ASAP3: variants seen among roughly 807,000 people sequenced by gnomAD.
The protein encoded by ASAP3 is arf-GAP with SH3 domain, ANK repeat and PH domain-containing protein 3.
In ASAP3, 85 loss-of-function variants were observed where a neutral mutation model predicts 118.2. That is an observed-to-expected ratio of 0.72 (90% CI 0.60 to 0.86). The LOEUF (loss-of-function observed/expected upper bound fraction) is 0.86. Ranked by LOEUF, ASAP3 falls within the 40% of genes least tolerant of loss-of-function variation. The pLI is 0.00. For missense variants in ASAP3, 1,026 were observed against 1,175.0 expected (o/e 0.87, Z 1.85); for synonymous variants, 432 against 477.4 (o/e 0.90, Z 1.24).
chr1:23,441,571 C>T (rs1640874594), intron 8 of ASAP3, 84 bp downstream of exon 8: 1 of 1,600,310 alleles, frequency 6.2e-7, no homozygotes, highest in African/African-American at 1.3e-5. Flanking sequence ...ACTCTGTGGG[C>T]AGAAGCCAGC....
At position 23,441,456 on chromosome 1, in the gene ASAP3, C is replaced by T. The variant is rs1175770793; in HGVS notation, c.765G>A (p.Glu255=). The T allele has an allele frequency of 9.9e-6, 16 of 1,614,106 alleles. No homozygotes were observed. The highest frequency in any genetic ancestry group is 1.4e-5 in the Non-Finnish European group (16 of 1,180,002). ...GCTGGGTCAGCTTCTGTAGCTCGTCCTCCTGGGCCTGATGGAGCTATGGGA... is the reference window on the plus strand; with the variant it reads ...GCTGGGTCAGCTTCTGTAGCTCGTCTTCCTGGGCCTGATGGAGCTATGGGA... ...ASVHALHQAQ[E]DELQKLTQLR... is the part of the protein sequence containing the mutation. The change falls in exon 9 of 25, where the codon GAG becomes GAA. Residue 255 remains glutamate, a synonymous_variant. Coordinates refer to ENST00000336689, the MANE Select transcript of ASAP3 (RefSeq NM_017707.4).
At chr1:23,448,359 T>C (rs1266829622) in intron 5 of ASAP3, among the ~76,000 whole-genome samples, 1 of 152,188 alleles carries the variant, frequency 6.6e-6, no homozygotes, top group Admixed American at 6.5e-5. Context: ...CAGCTTTCCC[T>C]GCCAGGGAGA....
intron 1 of ASAP3, among the ~76,000 whole-genome samples, chr1:23,477,338 C>A (rs1642163023): frequency 7.5e-6 from 1 of 133,506 alleles, no homozygotes; most frequent in Non-Finnish European, 1.5e-5. Context: ...GATCACGCCA[C>A]TGCACTCCAG....
chr1:23,437,343 G>A lies in ASAP3; in HGVS notation c.1152-23C>T. 1.9e-6 allele frequency: 3 copies of A among 1,609,224 alleles called. No individual in the cohort carries two copies. The highest frequency in any genetic ancestry group is 2.5e-6 in the Non-Finnish European group (3 of 1,176,890). ...CACCTGCGGAGATTGAACGGGGTGG[G>A]ATGGGGATGTCAAGTGGGAAGAGAT... On this transcript the variant is annotated intron_variant, in intron 13 of 24. Coordinates refer to ENST00000336689, the MANE Select transcript of ASAP3 (RefSeq NM_017707.4). This position sits in a 1 kb window ranked among gnomAD's most constrained non-coding sequence, Gnocchi z 6.1.
At chr1:23,433,386 C>T in intron 21 of ASAP3, 39 bp downstream of exon 21, 1 of 1,613,966 alleles carries the variant, frequency 6.2e-7, no homozygotes, top group Non-Finnish European at 8.5e-7. Flanking sequence ...CTCTTTCCTT[C>T]TGCCATCCAG....
At chr1:23,451,997 A>C (rs1477956939) in intron 4 of ASAP3, among the ~76,000 whole-genome samples, 1 of 152,212 alleles carries the variant, frequency 6.6e-6, no homozygotes, top group Non-Finnish European at 1.5e-5. Flanking sequence ...AGAGAGGTTG[A>C]GAAGTCTACC....
chr1:23,431,246 G>A (rs551022413), intron 23 of ASAP3, 121 bp from the exon 24 acceptor site: 8 of 983,774 alleles, frequency 8.1e-6, no homozygotes, highest in Admixed American at 4.5e-5. Flanking sequence ...AGTCCACAAG[G>A]CCCCCAGGCC....
At chr1:23,468,974 C>A (rs761800466) in intron 1 of ASAP3, among the ~76,000 whole-genome samples, 38 of 139,796 alleles carry the variant, frequency 2.7e-4, no homozygotes, top group African/African-American at 1.0e-3. Context: ...ACAAAAAAAA[C>A]CCAGGGCTTC....
chr1:23,476,353 C>CAA (rs796975962), intron 1 of ASAP3, among the ~76,000 whole-genome samples: 17 of 130,442 alleles, frequency 1.3e-4, no homozygotes, highest in Admixed American at 5.4e-4. Flanking sequence ...CCCAATCAAA[C>CAA]AAAAAAAAAA....
chr1:23,468,525 G>A (rs1459948953), intron 1 of ASAP3, among the ~76,000 whole-genome samples: 2 of 152,154 alleles, frequency 1.3e-5, no homozygotes, highest in Admixed American at 6.5e-5. Context: ...TCTGACGCCA[G>A]TGTCCACAAA....
chr1:23,463,490 G>C (rs533238138), intron 1 of ASAP3, among the ~76,000 whole-genome samples: 1 of 152,180 alleles, frequency 6.6e-6, no homozygotes, highest in African/African-American at 2.4e-5. Flanking sequence ...AGAGTGCTAT[G>C]ATGAGTCAGT....
At chr1:23,474,076 TCCTG>T (rs1642045208) in intron 1 of ASAP3, among the ~76,000 whole-genome samples, 1 of 145,858 alleles carries the variant, frequency 6.9e-6, no homozygotes, top group Non-Finnish European at 1.5e-5. Context: ...CAAGCAATTC[TCCTG>T]CCTCAGCCTC....
At chr1:23,467,622 C>T (rs558716807) in intron 1 of ASAP3, among the ~76,000 whole-genome samples, 1 of 152,192 alleles carries the variant, frequency 6.6e-6, no homozygotes, top group Non-Finnish European at 1.5e-5. Flanking sequence ...AGTTTCTTGC[C>T]CCAGGTTTCA....
At chr1:23,433,401 C>T (rs1338524534) in intron 21 of ASAP3, 24 bp downstream of exon 21, 47 of 1,614,078 alleles carry the variant, frequency 2.9e-5, no homozygotes, top group Non-Finnish European at 4.0e-5. Flanking sequence ...ATCCAGAGGC[C>T]TGAGGGACAG....
intron 1 of ASAP3, among the ~76,000 whole-genome samples, chr1:23,466,097 G>C (rs540160160): frequency 2.0e-5 from 3 of 152,178 alleles, no homozygotes; most frequent in Non-Finnish European, 4.4e-5. Context: ...AAAAGAAAAC[G>C]GATTTGTTCA....
intron 6 of ASAP3, 90 bp from the exon 7 acceptor site, chr1:23,442,361 C>T: frequency 1.3e-6 from 2 of 1,568,276 alleles, no homozygotes; most frequent in Middle Eastern, 1.9e-4. Context: ...GGCTAATCCT[C>T]CTGGCTGCGA....
Position 23,437,535 on chromosome 1 carries a change from G to A in ASAP3, c.1103-63C>T. On this transcript the variant is annotated intron_variant, in intron 12 of 24. Coordinates refer to ENST00000336689, the MANE Select transcript of ASAP3 (RefSeq NM_017707.4). The surrounding 1 kb of genome is among the most constrained non-coding windows in gnomAD (Gnocchi z 6.1). ...GCTGCTGGCCTTCCCGGAGCCCAGG[G>A]AGCCCCCACCAAAGCCGCTGGGGCC... The A allele has an allele frequency of 1.9e-6, 3 of 1,601,984 alleles. No individual in the cohort carries two copies. Among genetic ancestry groups the A allele is most frequent in the Non-Finnish European group, 2.6e-6 (3 of 1,172,874 alleles).
At position 23,437,072 on chromosome 1, in the gene ASAP3, A is replaced by T. The variant is rs754514859; in HGVS notation, c.1343-28T>A. 2.5e-6 allele frequency: 4 copies of T among 1,603,928 alleles called. No individual in the cohort carries two copies. The East Asian group carries it at 9.0e-5, about 36-fold the overall frequency. On this transcript the variant is annotated intron_variant, in intron 14 of 24. Transcript: ENST00000336689. This position sits in a 1 kb window ranked among gnomAD's most constrained non-coding sequence, Gnocchi z 6.1. ...GCAGAGGAAAGCAGCTGGAGCCTGG[A>T]GGTGCAGCCCCTCCCCTCCACTTAA...
At chr1:23,442,296 C>T (rs189586718) in intron 6 of ASAP3, 25 bp from the exon 7 acceptor site, 36 of 1,591,736 alleles carry the variant, frequency 2.3e-5, no homozygotes, top group East Asian at 2.3e-4. Context: ...GGGCAAGATA[C>T]GTGATGTGAG....
Sources: gnomAD v4.1 joint callset for allele counts (sites outside exome capture counted in the v4.1 genomes callset) on GRCh38, gnomAD v4.1.1 for gene constraint, Gnocchi (gnomAD v3.1) non-coding constraint, MANE v1.5 for transcripts, NCBI Gene and HGNC (gene_info 2026-07-23, HGNC 2026-07-21) for gene names.